Variants in ZRANB3 observed in about 807,000 individuals in gnomAD.
ZRANB3 encodes the protein zinc finger RANBP2-type containing 3, also known as DNA annealing helicase and endonuclease ZRANB3.
Under a neutral mutation model 133.8 loss-of-function variants are expected in ZRANB3, and 125 were observed. The ratio of observed to expected loss-of-function variants is 0.93; its 90% CI spans 0.81 to 1.08. ZRANB3 has a LOEUF of 1.08. ZRANB3 is among the 50% of genes least tolerant of loss of function. ZRANB3 has a pLI of 0.00. For missense variants in ZRANB3, 1,229 were observed against 1,275.5 expected, an observed-to-expected ratio of 0.96 and a Z score of 0.56; for synonymous variants, 387 against 432.7, an observed-to-expected ratio of 0.89 and a Z score of 1.31.
rs539387453 is a variant in ZRANB3, at chr2:135,319,701, C to T, written c.678-4171G>A. Among the ~76,000 whole-genome samples the T allele has an allele frequency of 2.2e-4, 33 of 152,286 alleles. No individual in the cohort carries two copies. The South Asian group carries it at 5.8e-3, about 27-fold the overall frequency. ...AGACACGTTCGCACTGCAATATGTC[C>T]ACTCACCCATTACCAGGATTATTTC... On this transcript the variant is annotated intron_variant, in intron 6 of 20. Transcript: ENST00000264159.
chr2:135,495,172 G>A (rs1012671143), intron 2 of ZRANB3, among the ~76,000 whole-genome samples: 1 of 152,106 alleles, frequency 6.6e-6, no homozygotes, highest in Non-Finnish European at 1.5e-5. Flanking sequence ...AGGTTACAGT[G>A]AGCTATGATT....
intron 3 of ZRANB3, among the ~76,000 whole-genome samples, chr2:135,387,326 T>C (rs1291442398): frequency 6.6e-6 from 1 of 152,236 alleles, no homozygotes; most frequent in East Asian, 1.9e-4. Context: ...ACCACTGTTT[T>C]ATAATAAAAG....
intron 3 of ZRANB3, among the ~76,000 whole-genome samples, chr2:135,383,055 G>A (rs996740505): frequency 1.1e-4 from 17 of 152,054 alleles, no homozygotes; most frequent in African/African-American, 3.9e-4. Context: ...CTGGCAAATT[G>A]GATAAAGAGA....
chr2:135,495,237 A>C (rs1302627400), intron 2 of ZRANB3, among the ~76,000 whole-genome samples: 1 of 152,230 alleles, frequency 6.6e-6, no homozygotes, highest in East Asian at 1.9e-4. Flanking sequence ...CTAAAAAAAC[A>C]AAACTAAGAA....
chr2:135,232,502 T>G (rs1399627854), intron 12 of ZRANB3, among the ~76,000 whole-genome samples: 1 of 152,196 alleles, frequency 6.6e-6, no homozygotes, highest in Non-Finnish European at 1.5e-5. Context: ...CCTCCTTAAG[T>G]GGGTCCCTGA....
At chr2:135,294,692 G>T (rs1311936076) in intron 8 of ZRANB3, among the ~76,000 whole-genome samples, 1 of 152,008 alleles carries the variant, frequency 6.6e-6, no homozygotes, top group Admixed American at 6.6e-5. Flanking sequence ...TGATGTTAGG[G>T]TGTCAATTTT....
intron 2 of ZRANB3, among the ~76,000 whole-genome samples, chr2:135,397,447 C>CAAA (rs373434643): frequency 8.6e-6 from 1 of 116,806 alleles, no homozygotes; most frequent in Non-Finnish European, 1.8e-5. Flanking sequence ...GACCCTGACT[C>CAAA]AAAAAAAAAA....
At chr2:135,384,237 AATC>A (rs1454003279) in intron 3 of ZRANB3, among the ~76,000 whole-genome samples, 1 of 152,228 alleles carries the variant, frequency 6.6e-6, no homozygotes, top group Non-Finnish European at 1.5e-5. Flanking sequence ...TAAACTAGGA[AATC>A]TAGAAGAAAT....
At chr2:135,242,784 C>T (rs1178809266) in intron 12 of ZRANB3, among the ~76,000 whole-genome samples, 1 of 151,922 alleles carries the variant, frequency 6.6e-6, no homozygotes, top group Non-Finnish European at 1.5e-5. Flanking sequence ...ATCCTCCTTT[C>T]TTTCCTTATT....
chr2:135,470,288 C>T (rs1459328361), intron 2 of ZRANB3, among the ~76,000 whole-genome samples: 2 of 151,468 alleles, frequency 1.3e-5, no homozygotes, highest in Admixed American at 1.3e-4. Flanking sequence ...TGAGCCACTG[C>T]ACTCCAACCT....
intron 2 of ZRANB3, among the ~76,000 whole-genome samples, chr2:135,472,263 G>A (rs1574155667): frequency 6.6e-6 from 1 of 152,094 alleles, no homozygotes; most frequent in East Asian, 1.9e-4. Flanking sequence ...CACTTTGGGA[G>A]GCCGAGGCAG....
intron 3 of ZRANB3, among the ~76,000 whole-genome samples, chr2:135,367,504 TTGTG>T (rs920198007): frequency 6.6e-6 from 1 of 152,094 alleles, no homozygotes; most frequent in African/African-American, 2.4e-5. Context: ...GTGTGTGTGT[TTGTG>T]TTTGAGAGTG....
At chr2:135,527,459 T>C (rs1694209691) in intron 1 of ZRANB3, among the ~76,000 whole-genome samples, 1 of 151,908 alleles carries the variant, frequency 6.6e-6, no homozygotes, top group East Asian at 1.9e-4. Context: ...CTCAGGAGGC[T>C]GAGACAGGAG....
At chr2:135,339,910 T>C (rs918158825) in intron 6 of ZRANB3, among the ~76,000 whole-genome samples, 1 of 152,140 alleles carries the variant, frequency 6.6e-6, no homozygotes, top group Non-Finnish European at 1.5e-5. Context: ...ACTTTATAGA[T>C]ATTTTCTAGA....
chr2:135,278,391 A>C (rs1230591497), intron 8 of ZRANB3, among the ~76,000 whole-genome samples: 1 of 152,230 alleles, frequency 6.6e-6, no homozygotes, highest in Non-Finnish European at 1.5e-5. Context: ...TATGCAAGGA[A>C]TGCAAATAAT....
At position 135,207,283 on chromosome 2, in the gene ZRANB3, C is replaced by G. The variant is rs1335500345; in HGVS notation, c.3009+151G>C. 5 of 804,924 alleles carry G rather than the reference C, an allele frequency of 6.2e-6. No homozygotes were observed. In the African/African-American group the frequency reaches 6.8e-5, roughly 11 times the overall value. The allele number at this position is 804,924 out of a possible 1,614,324, so 49.9% of individuals were successfully genotyped here. On this transcript the variant is annotated intron_variant, in intron 19 of 20. Coordinates refer to ENST00000264159, the MANE Select transcript of ZRANB3 (RefSeq NM_032143.4). ...AAAATGAATGCCAAAATGCTGTAAA[C>G]TGTTAAAGCTGGCTGATGGACATAT...
chr2:135,530,379 G>A (rs1049964292), intron 1 of ZRANB3: 1 of 152,198 alleles, frequency 6.6e-6, no homozygotes, highest in Non-Finnish European at 1.5e-5. Context: ...GAAGGCCGGG[G>A]TGGAGAAAGT....
chr2:135,517,815 G>A (rs181823365), intron 1 of ZRANB3, among the ~76,000 whole-genome samples: 10 of 152,284 alleles, frequency 6.6e-5, no homozygotes, highest in South Asian at 6.2e-4. Flanking sequence ...TGCTCTCTTC[G>A]GAGCCAACAG....
chr2:135,348,258 C>CAA (rs552945986), intron 5 of ZRANB3, among the ~76,000 whole-genome samples: 2 of 117,718 alleles, frequency 1.7e-5, no homozygotes, highest in African/African-American at 6.1e-5. Flanking sequence ...GACTCTGTCT[C>CAA]AAAAAAAAAA....
Sources: gnomAD v4.1 joint callset for allele counts (sites outside exome capture counted in the v4.1 genomes callset) on GRCh38, gnomAD v4.1.1 for gene constraint, MANE v1.5 for transcripts, NCBI Gene and HGNC (gene_info 2026-07-23, HGNC 2026-07-21) for gene names.